Variants in RAB37 observed in about 807,000 individuals in gnomAD.
RAB37 encodes the protein ras-related protein Rab-37.
A neutral mutation model predicts 33.1 loss-of-function variants in RAB37; 29 were observed. The ratio of observed to expected loss-of-function variants is 0.88; its 90% CI spans 0.65 to 1.20. The LOEUF is 1.20. Ranked by LOEUF, RAB37 falls within the 50% of genes most tolerant of loss-of-function variation. The pLI is 0.00. For missense variants in RAB37, 299 were observed against 301.1 expected, an observed-to-expected ratio of 0.99 and a Z score of 0.05; for synonymous variants, 128 against 119.5, an observed-to-expected ratio of 1.07 and a Z score of -0.47.
intron 1 of RAB37, chr17:74,705,089 C>T: frequency 1.5e-6 from 1 of 652,406 alleles, no homozygotes; most frequent in Non-Finnish European, 2.8e-6. Context: ...CCTCTCTCCA[C>T]CCTACGGCCA....
At chr17:74,695,633 T>A in intron 1 of RAB37, 1 of 1,570,640 alleles carries the variant, frequency 6.4e-7, no homozygotes, top group Non-Finnish European at 8.7e-7. Flanking sequence ...TATGCCCACA[T>A]GAGCAGGAGA....
chr17:74,723,039 G>A (rs906393319), intron 1 of RAB37, among the ~76,000 whole-genome samples: 1 of 152,188 alleles, frequency 6.6e-6, no homozygotes, highest in South Asian at 2.1e-4. Flanking sequence ...AGGATTTAAT[G>A]TTATGCCCTG....
Position 74,720,801 on chromosome 17 carries a change from C to T in RAB37, c.73-8455C>T, listed in dbSNP as rs752511200. On this transcript the variant is annotated intron_variant, in intron 1 of 7. Coordinates refer to the RAB37 transcript ENST00000340415. ...GCTCTCTTGGTACCCGGGTTCTTGT[C>T]AGGTGTCCAGGAAGAATCAGGTCAC... Among the ~76,000 whole-genome samples, 8 of 152,124 alleles carry T rather than the reference C, an allele frequency of 5.3e-5. No homozygotes were observed. In the East Asian group the frequency reaches 1.4e-3, roughly 26 times the overall value.
At chr17:74,711,892 CTTTTTTCTTTTTTCTTTTTTTTTT>C (rs2033988809) in intron 1 of RAB37, among the ~76,000 whole-genome samples, 2 of 145,552 alleles carry the variant, frequency 1.4e-5, no homozygotes, top group Admixed American at 6.9e-5. Context: ...CTTTTTTTTT[CTTTTTTCTTTTTTCTTTTTTTTTT>C]TTTTTTGAAA....
rs530059612 is a variant in RAB37 at position 74,737,781 on chromosome 17, G to C, written c.93+416G>C. 3.9e-5 allele frequency among the ~76,000 whole-genome samples: 6 copies of C among 152,258 alleles called. No homozygotes were observed. In the East Asian group the frequency reaches 1.2e-3, roughly 29 times the overall value. On this transcript the variant is annotated intron_variant, in intron 1 of 8. Coordinates refer to ENST00000392613, the MANE Select transcript of RAB37 (RefSeq NM_001006638.3). The stretch of plus-strand genomic sequence containing the variant: ...GGAACTGGCGTTAATGCCATTTTCC[G>C]AGCTAAGCTCTTAGTTGAGATCTGA...
chr17:74,726,616 C>G (rs992667031), intron 1 of RAB37, among the ~76,000 whole-genome samples: 34 of 151,536 alleles, frequency 2.2e-4, no homozygotes, highest in African/African-American at 8.3e-4. Context: ...AGTTCTCTAA[C>G]CAGGAGGAAA....
rs541596572 is a variant in RAB37 at position 74,674,148 on chromosome 17, C to T, written c.72+2490C>T. ...CTGGAATGCAGTGGTGTGATCTCAG[C>T]TCACTGCAACCTCTGCCTCCCAGGC... On this transcript the variant is annotated intron_variant, in intron 1 of 7. Coordinates refer to the RAB37 transcript ENST00000340415. 7.3e-4 allele frequency among the ~76,000 whole-genome samples: 111 copies of T among 152,200 alleles called. No individual in the cohort carries two copies. In the South Asian group the frequency reaches 0.013, roughly 18 times the overall value.
intron 1 of RAB37, among the ~76,000 whole-genome samples, chr17:74,675,973 T>C (rs1347051183): frequency 6.6e-6 from 1 of 152,034 alleles, no homozygotes; most frequent in Non-Finnish European, 1.5e-5. Flanking sequence ...CTAAATAATT[T>C]AAAACAAAGG....
At chr17:74,699,208 C>A (rs889650197) in intron 1 of RAB37, among the ~76,000 whole-genome samples, 1 of 152,124 alleles carries the variant, frequency 6.6e-6, no homozygotes, top group Non-Finnish European at 1.5e-5. Context: ...TGAGCCACAG[C>A]GCCCGGCCTT....
At chr17:74,711,688 C>G (rs924188152) in intron 1 of RAB37, among the ~76,000 whole-genome samples, 3 of 152,098 alleles carry the variant, frequency 2.0e-5, no homozygotes, top group Non-Finnish European at 4.4e-5. Flanking sequence ...AAGCTGGTCC[C>G]GATCCTGTGT....
At chr17:74,736,232 G>A (rs1567813018), upstream of RAB37, among the ~76,000 whole-genome samples, 2 of 151,578 alleles carry the variant, frequency 1.3e-5, no homozygotes, top group African/African-American at 2.4e-5. Context: ...AAAAGTGCAG[G>A]TACCCCTCTC....
chr17:74,694,874 C>T (rs745347251), intron 1 of RAB37: 13 of 465,718 alleles, frequency 2.8e-5, no homozygotes, highest in Non-Finnish European at 4.2e-5. Context: ...TAGCCCCCTC[C>T]TCAACTATGT....
rs779176956 is a variant in RAB37 at position 74,744,969 on chromosome 17, A to G, written c.490-39A>G. ...GTGGGACAGGGTGAAGGGTGGGGGC[A>G]ACCCGACGCTGGCCCTGAGGACACT... is the stretch of plus-strand genomic sequence containing the variant. On this transcript the variant is annotated intron_variant, in intron 7 of 8. Transcript: ENST00000392613. The surrounding 1 kb of genome is among the most constrained non-coding windows in gnomAD (Gnocchi z 4.2). 5 of 1,614,154 alleles carry G rather than the reference A, an allele frequency of 3.1e-6. No individual in the cohort carries two copies. The South Asian group carries it at 5.5e-5, about 18-fold the overall frequency.
chr17:74,720,394 G>A (rs2034223054), intron 1 of RAB37, among the ~76,000 whole-genome samples: 1 of 152,048 alleles, frequency 6.6e-6, no homozygotes, highest in South Asian at 2.1e-4. Flanking sequence ...AGACCAACGT[G>A]GCCAACATGG....
chr17:74,737,039 C>G, upstream of RAB37: 1 of 1,607,106 alleles, frequency 6.2e-7, no homozygotes. Context: ...CGCACGGAGC[C>G]GAGCCGGTGT....
chr17:74,718,964 A>T (rs931990327), intron 1 of RAB37, among the ~76,000 whole-genome samples: 2 of 152,132 alleles, frequency 1.3e-5, no homozygotes, highest in Non-Finnish European at 2.9e-5. Context: ...ATGGCAGTGG[A>T]GGGTGTTGAT....
At chr17:74,736,845 C>T, upstream of RAB37, 11 of 1,527,058 alleles carry the variant, frequency 7.2e-6, no homozygotes, top group South Asian at 1.3e-4. Context: ...GGGTCCCCAG[C>T]TCCCCGCCTC....
In RAB37 at chr17:74,744,993, C is replaced by T. The variant is rs1598331484; in HGVS notation, c.490-15C>T. The stretch of plus-strand genomic sequence containing the variant: ...CAACCCGACGCTGGCCCTGAGGACA[C>T]TCTCTCCCGGGCAGGAGTACGGTGT... On this transcript the variant is annotated splice_polypyrimidine_tract_variant and intron_variant, in intron 7 of 8. Transcript: ENST00000392613. This position sits in a 1 kb window ranked among gnomAD's most constrained non-coding sequence, Gnocchi z 4.2. The T allele has an allele frequency of 1.9e-6, 3 of 1,614,232 alleles. No individual in the cohort carries two copies. Among genetic ancestry groups the T allele is most frequent in the Non-Finnish European group, 1.7e-6 (2 of 1,180,016 alleles).
At chr17:74,679,393 C>T (rs1241114819) in intron 1 of RAB37, among the ~76,000 whole-genome samples, 1 of 152,092 alleles carries the variant, frequency 6.6e-6, no homozygotes, top group Non-Finnish European at 1.5e-5. Context: ...CCTCGCCTCC[C>T]CCATGCCTTT....
Sources: allele counts gnomAD v4.1 joint callset (sites outside exome capture counted in the v4.1 genomes callset), GRCh38; gene constraint gnomAD v4.1.1; non-coding constraint Gnocchi (gnomAD v3.1); transcripts MANE v1.5; gene names NCBI Gene and HGNC (gene_info 2026-07-23, HGNC 2026-07-21).